Variants in NEK7 observed in about 807,000 individuals in gnomAD.
The protein encoded by NEK7 is serine/threonine-protein kinase Nek7.
NEK7 carries 18 observed loss-of-function variants against 44.6 expected under a neutral mutation model. The observed-to-expected ratio is 0.40, with a 90% confidence interval of 0.28 to 0.60. NEK7 has a LOEUF of 0.60. NEK7 is among the 20% of genes least tolerant of loss of function. The pLI is 0.38. For synonymous variants in NEK7, 130 were observed against 121.1 expected (o/e 1.07, Z -0.48); for missense variants, 256 against 366.5 (o/e 0.70, Z 2.46).
chr1:198,223,283 G>A (rs1464324756), intron 1 of NEK7, among the ~76,000 whole-genome samples: 1 of 152,182 alleles, frequency 6.6e-6, no homozygotes, highest in Non-Finnish European at 1.5e-5. Context: ...ATGATAACTT[G>A]TAGGGTAGTA....
At chr1:198,179,167 G>A (rs1293622366) in intron 1 of NEK7, among the ~76,000 whole-genome samples, 2 of 151,850 alleles carry the variant, frequency 1.3e-5, no homozygotes, top group Non-Finnish European at 2.9e-5. Flanking sequence ...TACATTTTCT[G>A]TTGCCAATTC....
intron 1 of NEK7, among the ~76,000 whole-genome samples, chr1:198,166,226 T>C (rs1401380887): frequency 6.6e-6 from 1 of 152,280 alleles, no homozygotes; most frequent in Non-Finnish European, 1.5e-5. Flanking sequence ...CTTTTGTCTT[T>C]TTATACAGAT....
At chr1:198,282,628 A>G (rs958532822) in intron 7 of NEK7, among the ~76,000 whole-genome samples, 2 of 152,132 alleles carry the variant, frequency 1.3e-5, no homozygotes, top group African/African-American at 4.8e-5. Context: ...ACCAAATAAT[A>G]TAATGAATGC....
chr1:198,200,370 G>C (rs146648495), intron 1 of NEK7, among the ~76,000 whole-genome samples: 347 of 151,902 alleles, frequency 2.3e-3, no homozygotes, highest in African/African-American at 7.9e-3. Context: ...TTGTATACCA[G>C]ATATGTATAC....
chr1:198,238,863 AC>A (rs1274745566), intron 2 of NEK7, among the ~76,000 whole-genome samples: 1 of 152,298 alleles, frequency 6.6e-6, no homozygotes, highest in Non-Finnish European at 1.5e-5. Context: ...CCTCATACTT[AC>A]AGTTTTCAAG....
chr1:198,227,808 T>C (rs1459849955), intron 1 of NEK7, among the ~76,000 whole-genome samples: 1 of 152,084 alleles, frequency 6.6e-6, no homozygotes, highest in Non-Finnish European at 1.5e-5. Context: ...TTTTCTCCCA[T>C]TCTGTAGGCT....
chr1:198,278,063 C>CAT lies in NEK7; in HGVS notation c.477_478dup (p.Arg160IlefsTer4). Reference sequence around the variant, plus strand: ...ACACATGCATTCTCGAAGAGTCATGCATAGAGGTAAGATAAAATCATTAAG... The same window carrying CAT: ...ACACATGCATTCTCGAAGAGTCATGCATATAGAGGTAAGATAAAATCATTAAG... On this transcript the variant is annotated frameshift_variant, in exon 6 of 10. Coordinates refer to ENST00000367385, the MANE Select transcript of NEK7 (RefSeq NM_133494.3). LOFTEE classifies it high-confidence loss of function. 6.7e-7 allele frequency: 1 copy of CAT among 1,501,994 alleles called. No individual in the cohort carries two copies. The highest frequency in any genetic ancestry group is 9.2e-7 in the Non-Finnish European group (1 of 1,081,270). The allele number at this position is 1,501,994 out of a possible 1,614,324, so 93.0% of individuals were successfully genotyped here.
At chr1:198,300,421 T>C (rs1654848889) in intron 9 of NEK7, among the ~76,000 whole-genome samples, 1 of 152,246 alleles carries the variant, frequency 6.6e-6, no homozygotes, top group African/African-American at 2.4e-5. Context: ...CTTTTATAGA[T>C]GATGTTTCCT....
intron 9 of NEK7, among the ~76,000 whole-genome samples, chr1:198,298,710 A>G (rs1654786825): frequency 3.3e-5 from 5 of 152,134 alleles, no homozygotes; most frequent in African/African-American, 1.2e-4. Context: ...TCTTTTTTCC[A>G]TGAAGCGCAT....
At chr1:198,223,467 A>G (rs897626152) in intron 1 of NEK7, among the ~76,000 whole-genome samples, 1 of 152,218 alleles carries the variant, frequency 6.6e-6, no homozygotes, top group Non-Finnish European at 1.5e-5. Context: ...ATGTCTTTTA[A>G]TATGATGTGT....
chr1:198,313,038 G>C (rs947669372), intron 9 of NEK7, among the ~76,000 whole-genome samples: 245 of 151,922 alleles, frequency 1.6e-3, no homozygotes, highest in Admixed American at 3.8e-3. Flanking sequence ...TGACAGTGGG[G>C]TGTTAAAGTC....
At chr1:198,282,640 A>T (rs6428448) in intron 7 of NEK7, among the ~76,000 whole-genome samples, 15 of 152,090 alleles carry the variant, frequency 9.9e-5, no homozygotes, top group African/African-American at 3.4e-4. Context: ...AATGAATGCA[A>T]GTGTTTTCTT....
intron 1 of NEK7, among the ~76,000 whole-genome samples, chr1:198,227,410 C>T (rs376189245): frequency 5.9e-5 from 9 of 152,074 alleles, no homozygotes; most frequent in East Asian, 3.9e-4. Context: ...GGTCAAATGG[C>T]ATTTCTAGTT....
At chr1:198,317,883 T>A (rs7529305) in intron 9 of NEK7, among the ~76,000 whole-genome samples, 1 of 42,810 alleles carries the variant, frequency 2.3e-5, no homozygotes, top group African/African-American at 2.3e-4. Context: ...ATTTATTTTT[T>A]TTTTTTTTTT....
intron 1 of NEK7, among the ~76,000 whole-genome samples, chr1:198,229,569 G>A (rs1366591441): frequency 6.6e-6 from 1 of 152,162 alleles, no homozygotes; most frequent in Non-Finnish European, 1.5e-5. Context: ...GATAGTGTTG[G>A]AATTGAATTG....
chr1:198,237,402 C>G (rs987335886), intron 2 of NEK7, among the ~76,000 whole-genome samples: 1 of 152,096 alleles, frequency 6.6e-6, no homozygotes, highest in Admixed American at 6.5e-5. Flanking sequence ...GCTGCCCAAA[C>G]TGAATTCTAA....
intron 1 of NEK7, among the ~76,000 whole-genome samples, chr1:198,224,181 C>A (rs766121546): frequency 1.6e-4 from 24 of 151,990 alleles, no homozygotes; most frequent in Admixed American, 2.6e-4. Flanking sequence ...GCATATAAAA[C>A]TTATGGTTTC....
intron 8 of NEK7, among the ~76,000 whole-genome samples, chr1:198,295,882 T>C (rs1654704420): frequency 6.7e-6 from 1 of 150,068 alleles, no homozygotes; most frequent in Non-Finnish European, 1.5e-5. Flanking sequence ...TTTTATATGA[T>C]TAGGGGCATT....
chr1:198,218,931 GA>G (rs1666005765), intron 1 of NEK7, among the ~76,000 whole-genome samples: 1 of 151,918 alleles, frequency 6.6e-6, no homozygotes, highest in African/African-American at 2.4e-5. Context: ...TGGATATGGT[GA>G]AAAAGGAACA....
Sources: gnomAD v4.1 joint callset for allele counts (sites outside exome capture counted in the v4.1 genomes callset) on GRCh38, gnomAD v4.1.1 for gene constraint, MANE v1.5 for transcripts, NCBI Gene and HGNC (gene_info 2026-07-23, HGNC 2026-07-21) for gene names.